The following FMN2 variants were observed in gnomAD, a reference collection of about 807,000 sequenced individuals.
FMN2 encodes formin-2.
Under a neutral mutation model 142.3 loss-of-function variants are expected in FMN2, and 51 were observed. That is an observed-to-expected ratio of 0.36 (90% CI 0.29 to 0.45). The LOEUF is 0.45. Among genes scored for constraint, FMN2 ranks in the 20% least tolerant of loss-of-function variants. FMN2 has a pLI of 1.00. For synonymous variants in FMN2, 882 were observed against 869.8 expected, an observed-to-expected ratio of 1.01 and a Z score of -0.25; for missense variants, 1,936 against 2,122.8, an observed-to-expected ratio of 0.91 and a Z score of 1.73.
rs1664454969 is a variant in FMN2, at chr1:240,165,727, C to T, written c.1783-12194C>T. 3.3e-5 allele frequency among the ~76,000 whole-genome samples: 5 copies of T among 151,880 alleles called. 1 individual carries two copies. The South Asian group carries it at 1.0e-3, about 32-fold the overall frequency. On this transcript the variant is annotated intron_variant, in intron 2 of 17. Transcript: ENST00000319653. ...TTGCTTTTGCCGGGGACCTGGGGCA[C>T]TAATATTCCAAGATCACCTTGAGGT...
chr1:240,432,380 T>A (rs1469924265), intron 15 of FMN2, among the ~76,000 whole-genome samples: 1 of 151,966 alleles, frequency 6.6e-6, no homozygotes, highest in Non-Finnish European at 1.5e-5. Flanking sequence ...TATTTTGTAT[T>A]TTCTCTCTTT....
chr1:240,340,801 T>A (rs1572210893), intron 13 of FMN2, among the ~76,000 whole-genome samples: 1 of 152,226 alleles, frequency 6.6e-6, no homozygotes, highest in East Asian at 1.9e-4. Flanking sequence ...TTTCCTTGGA[T>A]AAGTATGGTA....
chr1:240,336,217 C>T (rs987595076), intron 13 of FMN2, among the ~76,000 whole-genome samples: 2 of 151,950 alleles, frequency 1.3e-5, no homozygotes, highest in African/African-American at 2.4e-5. Flanking sequence ...ATACTATTTC[C>T]GCATCTGCAT....
chr1:240,221,431 C>G (rs1198884286), intron 6 of FMN2, among the ~76,000 whole-genome samples: 1 of 152,126 alleles, frequency 6.6e-6, no homozygotes, highest in Non-Finnish European at 1.5e-5. Flanking sequence ...GAGATGGTAT[C>G]TCATTGTGTT....
intron 7 of FMN2, among the ~76,000 whole-genome samples, chr1:240,276,349 C>T (rs1165320502): frequency 1.3e-5 from 2 of 151,976 alleles, no homozygotes; most frequent in Admixed American, 6.6e-5. Context: ...GTATATGACC[C>T]TGGAAGGCAT....
At chr1:240,220,683 G>A (rs970157185) in intron 6 of FMN2, among the ~76,000 whole-genome samples, 22 of 151,816 alleles carry the variant, frequency 1.4e-4, no homozygotes, top group Non-Finnish European at 2.1e-4. Flanking sequence ...GTGTGTGTGT[G>A]TGTGTGTGTG....
intron 2 of FMN2, among the ~76,000 whole-genome samples, chr1:240,160,858 A>T (rs761722144): frequency 6.6e-6 from 1 of 152,206 alleles, no homozygotes; most frequent in African/African-American, 2.4e-5. Context: ...TTACAGATAA[A>T]TAATTAGAAA....
At chr1:240,237,955 A>T (rs1004761224) in intron 6 of FMN2, among the ~76,000 whole-genome samples, 1 of 152,196 alleles carries the variant, frequency 6.6e-6, no homozygotes, top group Non-Finnish European at 1.5e-5. Context: ...TGACTTCTCA[A>T]TGAGTCTTTT....
intron 15 of FMN2, among the ~76,000 whole-genome samples, chr1:240,413,120 C>CAAAAAAAAAAAAA (rs35590068): frequency 3.3e-4 from 8 of 24,582 alleles, no homozygotes; most frequent in Non-Finnish European, 5.4e-4. Context: ...GAGACTCTGT[C>CAAAAAAAAAAAAA]AAAAAAAAAA....
At chr1:240,141,882 G>A (rs1663200425) in intron 2 of FMN2, among the ~76,000 whole-genome samples, 1 of 152,162 alleles carries the variant, frequency 6.6e-6, no homozygotes, top group African/African-American at 2.4e-5. Flanking sequence ...CAGAAGTTGG[G>A]TGGTTGAGTT....
chr1:240,297,528 G>A (rs1233462643), intron 8 of FMN2, among the ~76,000 whole-genome samples: 2 of 149,710 alleles, frequency 1.3e-5, no homozygotes, highest in African/African-American at 2.5e-5. Context: ...TCTGGGAGGC[G>A]GAGGTTGCTG....
Position 240,472,440 on chromosome 1 carries a change from A to G in FMN2, c.5129A>G (p.His1710Arg). Residue 1710 changes from histidine (H) to arginine (R), a missense_variant, in exon 17 of 18, where the codon CAT becomes CGT. His to Arg is a conservative substitution (Grantham distance 29, BLOSUM62 0). Transcript: ENST00000319653. ...GKSLYKIKPR[H>R]DSGIKAKISM... ...TCACTTTATAAAATAAAACCAAGAC[A>G]TGACTCTGGAATTGTAAGTATTACT... The G allele has an allele frequency of 1.2e-6, 2 of 1,606,566 alleles. No individual in the cohort carries two copies. Among genetic ancestry groups the G allele is most frequent in the Admixed American group, 1.7e-5 (1 of 58,846 alleles).
chr1:240,118,848 A>G (rs1317230712), intron 1 of FMN2, among the ~76,000 whole-genome samples: 3 of 152,134 alleles, frequency 2.0e-5, no homozygotes. Context: ...TTAGTGAATG[A>G]CGAAGGGAGG....
At chr1:240,268,026 T>C (rs905857536) in intron 7 of FMN2, among the ~76,000 whole-genome samples, 3 of 152,108 alleles carry the variant, frequency 2.0e-5, no homozygotes, top group Middle Eastern at 3.4e-3. Context: ...AACACTTATA[T>C]ACTGTTGGCA....
chr1:240,247,259 G>A (rs1668111760), intron 6 of FMN2, among the ~76,000 whole-genome samples: 1 of 152,104 alleles, frequency 6.6e-6, no homozygotes, highest in African/African-American at 2.4e-5. Flanking sequence ...TCTCATCACT[G>A]TGGGAGGCCC....
chr1:240,331,668 A>T (rs1056491048), intron 11 of FMN2, among the ~76,000 whole-genome samples: 1 of 152,182 alleles, frequency 6.6e-6, no homozygotes, highest in Non-Finnish European at 1.5e-5. Flanking sequence ...TTATATACAG[A>T]TGCTTCTCAA....
intron 2 of FMN2, among the ~76,000 whole-genome samples, chr1:240,132,055 A>T (rs561302372): frequency 6.6e-6 from 1 of 152,322 alleles, no homozygotes; most frequent in African/African-American, 2.4e-5. Context: ...TTTAGAACCG[A>T]CAGGACTTGC....
rs753347899 is a variant in FMN2, at chr1:240,092,281, G to T, written c.172G>T (p.Gly58Cys). Reference sequence around the variant, plus strand: ...CAAGGGGGGAGGGGGCGGCGGCGGCGGCGGGGAGTCGGGCAAGAAGAAGAG... The same window carrying T: ...CAAGGGGGGAGGGGGCGGCGGCGGCTGCGGGGAGTCGGGCAAGAAGAAGAG... ...HGKGGGGGGG[G>C]GESGKKKSKS... Residue 58 changes from glycine to cysteine, a missense_variant, in exon 1 of 18, where the codon GGC becomes TGC. Physicochemically the swap from Gly to Cys is radical, Grantham distance 159. Transcript: ENST00000319653. 6 of 1,581,704 alleles carry T rather than the reference G, an allele frequency of 3.8e-6. No individual in the cohort carries two copies. Among genetic ancestry groups the T allele is most frequent in the Admixed American group, 1.8e-5 (1 of 56,850 alleles).
intron 1 of FMN2, among the ~76,000 whole-genome samples, chr1:240,120,615 C>G (rs888414844): frequency 6.6e-6 from 1 of 152,120 alleles, no homozygotes; most frequent in Non-Finnish European, 1.5e-5. Flanking sequence ...GGAAGGTCAA[C>G]TTTAAACAAA....
Sources: gnomAD v4.1 joint callset for allele counts (sites outside exome capture counted in the v4.1 genomes callset) on GRCh38, gnomAD v4.1.1 for gene constraint, MANE v1.5 for transcripts, NCBI Gene and HGNC (gene_info 2026-07-23, HGNC 2026-07-21) for gene names.